SNX1: variants seen among roughly 807,000 people sequenced by gnomAD.
The protein encoded by SNX1 is sorting nexin-1.
A neutral mutation model predicts 71.8 loss-of-function variants in SNX1; 36 were observed. That is an observed-to-expected ratio of 0.50 (90% CI 0.38 to 0.66). SNX1 has a LOEUF of 0.66. Among genes scored for constraint, SNX1 ranks in the 30% least tolerant of loss-of-function variants. SNX1 has a pLI of 0.00. For synonymous variants in SNX1, 254 were observed against 240.7 expected, an observed-to-expected ratio of 1.06 and a Z score of -0.51; for missense variants, 612 against 646.7, an observed-to-expected ratio of 0.95 and a Z score of 0.58.
intron 6 of SNX1, 142 bp downstream of exon 6, chr15:64,126,362 G>A: frequency 1.0e-6 from 1 of 969,382 alleles, no homozygotes; most frequent in Non-Finnish European, 1.5e-6. Flanking sequence ...TTCCTACACT[G>A]GAGGTCTAGA....
chr15:64,119,140 A>G (rs2081164596), intron 4 of SNX1, among the ~76,000 whole-genome samples: 1 of 151,890 alleles, frequency 6.6e-6, no homozygotes, highest in Non-Finnish European at 1.5e-5. Flanking sequence ...TTTTTTAGAG[A>G]CAAGGCCTCA....
rs544959419 is a variant in SNX1 at position 64,139,743 on chromosome 15, T to C, written c.*2125T>C. The C allele has an allele frequency of 3.5e-4, 53 of 152,278 alleles. No homozygotes were observed. The highest frequency in any genetic ancestry group is 1.3e-3 in the African/African-American group (52 of 41,540). 9.4% of individuals were successfully genotyped at this position (152,278 alleles called of 1,614,324 possible). On this transcript the variant is annotated 3_prime_UTR_variant, in exon 15 of 15. Coordinates refer to ENST00000559844, the MANE Select transcript of SNX1 (RefSeq NM_003099.5). ...TGCCATTTATCCCAATAATGTCCTT[T>C]GTAGCCATTCTTTTACCTTGTGCAG...
chr15:64,119,217 C>G (rs1403286025), intron 4 of SNX1, among the ~76,000 whole-genome samples: 1 of 152,142 alleles, frequency 6.6e-6, no homozygotes, highest in African/African-American at 2.4e-5. Context: ...CTCCTGGACT[C>G]AAGCAGTCCT....
At chr15:64,107,960 G>A (rs766902475) in intron 1 of SNX1, among the ~76,000 whole-genome samples, 3 of 152,098 alleles carry the variant, frequency 2.0e-5, no homozygotes, top group African/African-American at 4.8e-5. Flanking sequence ...TTGGGAAGCC[G>A]AGGTGGGTAG....
Position 64,131,895 on chromosome 15 carries a change from A to G in SNX1, c.1221+3A>G, listed in dbSNP as rs2081311197. ...TTCGCCTCCTGGCCATAGTCCGCGT[A>G]AGCTTCTGTTTCCTTTTCTCCTCCT... is the stretch of plus-strand genomic sequence containing the variant. On this transcript the variant is annotated splice_donor_region_variant and intron_variant, in intron 11 of 14. Transcript: ENST00000559844. The G allele has an allele frequency of 6.2e-7, 1 of 1,613,516 alleles. No homozygotes were observed. Among genetic ancestry groups the G allele is most frequent in the Admixed American group, 1.7e-5 (1 of 60,012 alleles).
intron 1 of SNX1, among the ~76,000 whole-genome samples, chr15:64,100,263 C>T (rs547164365): frequency 6.6e-6 from 1 of 152,222 alleles, no homozygotes; most frequent in East Asian, 1.9e-4. Context: ...CTTGAAAGAG[C>T]AGGCTTACAC....
intron 6 of SNX1, among the ~76,000 whole-genome samples, chr15:64,126,619 C>T (rs1386489147): frequency 1.3e-5 from 2 of 152,080 alleles, no homozygotes; most frequent in African/African-American, 4.8e-5. Context: ...CTCGCTCTGT[C>T]ACCAGGTTGG....
intron 1 of SNX1, among the ~76,000 whole-genome samples, chr15:64,102,376 A>AT (rs1342374304): frequency 1.0e-5 from 1 of 96,770 alleles, no homozygotes; most frequent in African/African-American, 2.5e-5. Context: ...CACCTCAAAC[A>AT]TTTATCTTTT....
intron 1 of SNX1, among the ~76,000 whole-genome samples, chr15:64,109,580 C>T (rs1253125605): frequency 6.6e-6 from 1 of 151,946 alleles, no homozygotes; most frequent in African/African-American, 2.4e-5. Context: ...CTCGATAGCT[C>T]ACTGCAACCT....
chr15:64,111,465 T>G (rs1057164448), intron 1 of SNX1: 14 of 152,204 alleles, frequency 9.2e-5, no homozygotes, highest in Admixed American at 3.3e-4. Flanking sequence ...TTTTTAAGAC[T>G]AGTCAAGTGC....
At chr15:64,111,628 GAGTACCCAA>G (rs1389571523) in intron 1 of SNX1, 10 of 152,176 alleles carry the variant, frequency 6.6e-5, no homozygotes, top group African/African-American at 2.4e-4. Flanking sequence ...TGCAAATTTA[GAGTACCCAA>G]ATAGATTGTC....
Position 64,126,074 on chromosome 15 carries a change from C to T in SNX1, c.511-5C>T. The T allele has an allele frequency of 6.2e-7, 1 of 1,613,758 alleles. No individual in the cohort carries two copies. The highest frequency in any genetic ancestry group is 1.1e-5 in the South Asian group (1 of 91,012). On this transcript the variant is annotated splice_region_variant and splice_polypyrimidine_tract_variant and intron_variant, in intron 5 of 14. Coordinates refer to ENST00000559844, the MANE Select transcript of SNX1 (RefSeq NM_003099.5). ...AATTGCCTTGTGTTTTTTCCTGTCC[C>T]CAAGACAAGCTTACCATTGTTCAGA...
rs551195305 is a variant in SNX1, at chr15:64,138,037, C to T, written c.*419C>T. The T allele has an allele frequency of 5.1e-5, 77 of 1,512,620 alleles. No homozygotes were observed. The African/African-American group carries it at 1.0e-3, about 20-fold the overall frequency. The allele number at this position is 1,512,620 out of a possible 1,614,324, so 93.7% of individuals were successfully genotyped here. A position where few individuals can be genotyped will look rare whatever the true frequency, so the allele number is the denominator to read the frequency against. Reference sequence around the variant, plus strand: ...TGACTCAGAATGTTGGTGGTTTTTGCTTAGGCTGGGGAGCAGTTGGGAATC... The same window carrying T: ...TGACTCAGAATGTTGGTGGTTTTTGTTTAGGCTGGGGAGCAGTTGGGAATC... On this transcript the variant is annotated 3_prime_UTR_variant, in exon 15 of 15. Transcript: ENST00000559844.
Position 64,141,181 on chromosome 15 carries a change from G to A in SNX1, c.*3563G>A, listed in dbSNP as rs932102602. The A allele has an allele frequency of 4.6e-5, 7 of 152,194 alleles. No individual in the cohort carries two copies. Among genetic ancestry groups the A allele is most frequent in the Admixed American group, 2.0e-4 (3 of 15,280 alleles). 9.4% of individuals were successfully genotyped at this position (152,194 alleles called of 1,614,324 possible). Reference sequence around the variant, plus strand: ...TCCAGTCTGCCCCCTTTTCCATGTTGTTAACTCTTTCCTCCAGAGAGACAA... The same window carrying A: ...TCCAGTCTGCCCCCTTTTCCATGTTATTAACTCTTTCCTCCAGAGAGACAA... On this transcript the variant is annotated 3_prime_UTR_variant, in exon 15 of 15. Transcript: ENST00000559844. This position sits in a 1 kb window ranked among gnomAD's most constrained non-coding sequence, Gnocchi z 5.1.
rs1440231622 is a variant in SNX1 at position 64,138,210 on chromosome 15, G to A, written c.*592G>A. On this transcript the variant is annotated 3_prime_UTR_variant, in exon 15 of 15. Transcript: ENST00000559844. ...CTACCTGTTCTGAGGGTCTCAATCT[G>A]TTTCGTATTCCCACTTCTTTAGGGA... The A allele has an allele frequency of 6.6e-7, 1 of 1,511,674 alleles. No homozygotes were observed. Among genetic ancestry groups the A allele is most frequent in the African/African-American group, 1.4e-5 (1 of 71,490 alleles). The allele number at this position is 1,511,674 out of a possible 1,614,324, so 93.6% of individuals were successfully genotyped here. A position where few individuals can be genotyped will look rare whatever the true frequency, so the allele number is the denominator to read the frequency against.
At chr15:64,131,423 A>T (rs72755096) in intron 10 of SNX1, among the ~76,000 whole-genome samples, 3,200 of 152,140 alleles carry the variant, frequency 0.021, 41 homozygotes, top group Non-Finnish European at 0.029. Flanking sequence ...TTCTCCAGGG[A>T]TATTGGAGCT....
chr15:64,112,707 C>CCA, intron 2 of SNX1, 23 bp downstream of exon 2: 1 of 1,457,518 alleles, frequency 6.9e-7, no homozygotes, highest in Non-Finnish European at 9.5e-7. Flanking sequence ...TCAAAAGTTA[C>CCA]TCTAGGAACC....
intron 2 of SNX1, among the ~76,000 whole-genome samples, chr15:64,115,359 G>C (rs981942154): frequency 3.3e-5 from 5 of 152,154 alleles, no homozygotes; most frequent in African/African-American, 1.2e-4. Flanking sequence ...CTTCTCAGTT[G>C]TTTTAGGTAT....
intron 4 of SNX1, among the ~76,000 whole-genome samples, chr15:64,123,233 G>T (rs1222838807): frequency 6.6e-6 from 1 of 152,166 alleles, no homozygotes; most frequent in African/African-American, 2.4e-5. Context: ...TATAAATGGA[G>T]CCTGGCCTGG....
Sources: allele counts gnomAD v4.1 joint callset (sites outside exome capture counted in the v4.1 genomes callset), GRCh38; gene constraint gnomAD v4.1.1; non-coding constraint Gnocchi (gnomAD v3.1); transcripts MANE v1.5; gene names NCBI Gene and HGNC (gene_info 2026-07-23, HGNC 2026-07-21).